Variants in CCDC122 observed in about 807,000 individuals in gnomAD.
CCDC122 encodes coiled-coil domain containing 122.
Under a neutral mutation model 37.0 loss-of-function variants are expected in CCDC122, and 38 were observed. The observed-to-expected ratio is 1.03, with a 90% CI of 0.79 to 1.35. The LOEUF (loss-of-function observed/expected upper bound fraction) is 1.35. Ranked by LOEUF, CCDC122 falls within the 40% of genes most tolerant of loss-of-function variation. The pLI, the probability that CCDC122 is intolerant of heterozygous loss-of-function variation, is 0.00. For missense variants in CCDC122, 305 were observed against 310.0 expected (o/e 0.98, Z 0.12); for synonymous variants, 83 against 95.6 (o/e 0.87, Z 0.77).
chr13:43,827,599 C>T (rs118175767), intron 3 of CCDC122, among the ~76,000 whole-genome samples: 5 of 152,244 alleles, frequency 3.3e-5, no homozygotes, highest in East Asian at 1.9e-4. Flanking sequence ...TCCACTTATA[C>T]GGGATTCCTT....
intron 6 of CCDC122, chr13:43,855,897 CACAT>C (rs1953891851): frequency 6.6e-6 from 1 of 152,284 alleles, no homozygotes; most frequent in Admixed American, 6.5e-5. Flanking sequence ...ATCATAAAGA[CACAT>C]ACACGTGTAA....
At chr13:43,822,587 G>A (rs558929994), downstream of CCDC122, among the ~76,000 whole-genome samples, 60 of 152,350 alleles carry the variant, frequency 3.9e-4, no homozygotes, top group Admixed American at 6.5e-4. Context: ...AGGGATTAGA[G>A]TCAAAAACCT....
intron 6 of CCDC122, among the ~76,000 whole-genome samples, chr13:43,839,583 G>A (rs956510732): frequency 6.6e-6 from 1 of 151,918 alleles, no homozygotes; most frequent in Non-Finnish European, 1.5e-5. Flanking sequence ...GTGAATATAT[G>A]TTTTCACTTC....
At chr13:43,854,413 A>G (rs1953840345) in intron 6 of CCDC122, 1 of 152,236 alleles carries the variant, frequency 6.6e-6, no homozygotes. Context: ...ACACCCTCCC[A>G]AGACTGAACC....
chr13:43,868,930 T>A (rs990381672), intron 3 of CCDC122, 127 bp from the exon 4 acceptor site: 36 of 544,662 alleles, frequency 6.6e-5, no homozygotes, highest in Non-Finnish European at 2.7e-5. Context: ...AAATTTAGAA[T>A]TAGTAATTTT....
chr13:43,842,672 T>C (rs898571164), intron 6 of CCDC122, among the ~76,000 whole-genome samples: 5 of 152,036 alleles, frequency 3.3e-5, no homozygotes, highest in Admixed American at 3.3e-4. Flanking sequence ...TAGGATATCA[T>C]TCCATTTATT....
chr13:43,846,598 G>C (rs1050407957), intron 6 of CCDC122, among the ~76,000 whole-genome samples: 1 of 152,140 alleles, frequency 6.6e-6, no homozygotes, highest in African/African-American at 2.4e-5. Flanking sequence ...CCTTAGTCCA[G>C]CTTTGTTTTA....
chr13:43,845,609 G>A (rs1953494893), intron 6 of CCDC122, among the ~76,000 whole-genome samples: 1 of 152,238 alleles, frequency 6.6e-6, no homozygotes, highest in African/African-American at 2.4e-5. Context: ...ATACTGGGGA[G>A]GCTGAGGCAG....
At chr13:43,874,356 AT>A (rs1273227590) in intron 2 of CCDC122, among the ~76,000 whole-genome samples, 1 of 152,078 alleles carries the variant, frequency 6.6e-6, no homozygotes, top group Non-Finnish European at 1.5e-5. Context: ...TAATCAACAT[AT>A]TTTTATTTTT....
intron 6 of CCDC122, among the ~76,000 whole-genome samples, chr13:43,848,399 C>G (rs1050845966): frequency 2.6e-5 from 4 of 152,024 alleles, no homozygotes; most frequent in Non-Finnish European, 5.9e-5. Context: ...TCTGAAAACT[C>G]TTGGATTTGG....
downstream of CCDC122, among the ~76,000 whole-genome samples, chr13:43,821,308 C>T (rs1445717220): frequency 2.0e-5 from 3 of 152,222 alleles, no homozygotes; most frequent in Admixed American, 6.5e-5. Flanking sequence ...ACTGCAACCT[C>T]CACCTCCCAA....
At chr13:43,849,628 G>A (rs1953659312) in intron 6 of CCDC122, among the ~76,000 whole-genome samples, 2 of 152,272 alleles carry the variant, frequency 1.3e-5, no homozygotes, top group Non-Finnish European at 2.9e-5. Flanking sequence ...GTTCTATCTA[G>A]CCAAAAGATA....
chr13:43,860,148 T>C, intron 4 of CCDC122, 78 bp from the exon 5 acceptor site: 2 of 304,332 alleles, frequency 6.6e-6, no homozygotes, highest in Non-Finnish European at 8.8e-6. Context: ...TAATCCATAA[T>C]GAATATAGGA....
chr13:43,849,032 T>A lies in CCDC122; in HGVS notation c.672+9749A>T, dbSNP rs189881788. The A allele has an allele frequency of 1.4e-4, 131 of 948,768 alleles. 2 individuals are homozygous for A. In the Admixed American group the frequency reaches 6.7e-3, roughly 49 times the overall value. 58.8% of individuals were successfully genotyped at this position (948,768 alleles called of 1,614,324 possible). On this transcript the variant is annotated intron_variant, in intron 6 of 6. Transcript: ENST00000444614. ...ATAAATAAAATTATTCACAAAAATGTAACGTTTTAAGAAAATGGTCTGACT... is the reference window on the plus strand; with the variant it reads ...ATAAATAAAATTATTCACAAAAATGAAACGTTTTAAGAAAATGGTCTGACT...
intron 4 of CCDC122, among the ~76,000 whole-genome samples, chr13:43,863,768 C>T (rs1954188817): frequency 6.6e-6 from 1 of 152,048 alleles, no homozygotes; most frequent in Admixed American, 6.6e-5. Context: ...CAAATATTCT[C>T]TCCTAGTCTG....
At chr13:43,852,899 C>T (rs545716508) in intron 6 of CCDC122, among the ~76,000 whole-genome samples, 13 of 151,984 alleles carry the variant, frequency 8.6e-5, no homozygotes, top group African/African-American at 2.9e-4. Context: ...GCTTTATAAG[C>T]GAAGGAGAAA....
At chr13:43,879,515 C>T (rs1222257457) in intron 1 of CCDC122, 116 bp downstream of exon 1, 1 of 152,380 alleles carries the variant, frequency 6.6e-6, no homozygotes, top group African/African-American at 2.4e-5. Flanking sequence ...ACCGCCCAGA[C>T]CCGGAACTGC....
downstream of CCDC122, among the ~76,000 whole-genome samples, chr13:43,823,239 T>C (rs1953008766): frequency 6.6e-6 from 1 of 152,062 alleles, no homozygotes; most frequent in South Asian, 2.1e-4. Flanking sequence ...TGTAATCCAC[T>C]AGCTAGGGCT....
downstream of CCDC122, among the ~76,000 whole-genome samples, chr13:43,819,188 C>T (rs778095007): frequency 5.3e-5 from 8 of 152,056 alleles, no homozygotes; most frequent in Admixed American, 1.3e-4. Flanking sequence ...CAATGTACAG[C>T]GATGGTAAGG....
Sources: allele counts gnomAD v4.1 joint callset (sites outside exome capture counted in the v4.1 genomes callset), GRCh38; gene constraint gnomAD v4.1.1; transcripts MANE v1.5; gene names NCBI Gene and HGNC (gene_info 2026-07-23, HGNC 2026-07-21).